The following GABRB2 variants were observed in gnomAD, a reference collection of about 807,000 sequenced individuals.
GABRB2 encodes gamma-aminobutyric acid receptor subunit beta-2.
Under a neutral mutation model 54.7 loss-of-function variants are expected in GABRB2, and 16 were observed. The ratio of observed to expected loss-of-function variants is 0.29; its 90% CI spans 0.20 to 0.44. GABRB2 has a LOEUF of 0.44. Ranked by LOEUF, GABRB2 falls within the 20% of genes least tolerant of loss-of-function variation. GABRB2 has a pLI of 1.00. For synonymous variants in GABRB2, 244 were observed against 233.8 expected (o/e 1.04, Z -0.40); for missense variants, 355 against 644.0 (o/e 0.55, Z 4.86).
intron 3 of GABRB2, among the ~76,000 whole-genome samples, chr5:161,511,380 G>A (rs1473005567): frequency 1.3e-5 from 2 of 151,802 alleles, no homozygotes; most frequent in African/African-American, 4.8e-5. Flanking sequence ...CACAAACTTG[G>A]GTAATCACTG....
At chr5:161,309,043 CAAACAAA>C (rs1413435896) in intron 9 of GABRB2, among the ~76,000 whole-genome samples, 1 of 152,012 alleles carries the variant, frequency 6.6e-6, no homozygotes, top group Admixed American at 6.6e-5. Flanking sequence ...TCCTGCACGG[CAAACAAA>C]ACTATCAACA....
At chr5:161,524,733 T>C (rs1017882645) in intron 3 of GABRB2, among the ~76,000 whole-genome samples, 3 of 151,464 alleles carry the variant, frequency 2.0e-5, no homozygotes, top group Non-Finnish European at 4.4e-5. Context: ...CTCAGACTCA[T>C]TAATATGAGG....
intron 9 of GABRB2, among the ~76,000 whole-genome samples, chr5:161,306,299 T>C (rs1184139990): frequency 6.6e-6 from 1 of 152,238 alleles, no homozygotes. Context: ...TTTGAATCCT[T>C]CTAAAAATCT....
chr5:161,522,212 A>G (rs1760136777), intron 3 of GABRB2, among the ~76,000 whole-genome samples: 1 of 151,798 alleles, frequency 6.6e-6, no homozygotes, highest in African/African-American at 2.4e-5. Context: ...CACACATTTG[A>G]GATTAGACAC....
intron 5 of GABRB2, among the ~76,000 whole-genome samples, chr5:161,367,931 C>G (rs1184335830): frequency 1.3e-5 from 2 of 152,100 alleles, no homozygotes; most frequent in East Asian, 3.9e-4. Context: ...AATAAAACTT[C>G]CCAAGTCCAT....
intron 4 of GABRB2, among the ~76,000 whole-genome samples, chr5:161,446,491 A>T (rs1483627622): frequency 6.6e-6 from 1 of 152,080 alleles, no homozygotes; most frequent in Non-Finnish European, 1.5e-5. Context: ...TGCCACTTCC[A>T]ACTGCATGCA....
At chr5:161,463,831 C>T (rs1259071205) in intron 3 of GABRB2, among the ~76,000 whole-genome samples, 3 of 151,108 alleles carry the variant, frequency 2.0e-5, no homozygotes, top group African/African-American at 7.3e-5. Context: ...CTGGAGAAAG[C>T]ATAATCTTAT....
At chr5:161,328,976 A>G (rs1045186525) in intron 8 of GABRB2, among the ~76,000 whole-genome samples, 2 of 152,178 alleles carry the variant, frequency 1.3e-5, no homozygotes, top group African/African-American at 4.8e-5. Context: ...TCTACCTTCA[A>G]CCAAGAGGAT....
chr5:161,413,914 G>A (rs1756591030), intron 4 of GABRB2, among the ~76,000 whole-genome samples: 1 of 152,148 alleles, frequency 6.6e-6, no homozygotes, highest in South Asian at 2.1e-4. Flanking sequence ...CATGTTCACG[G>A]CAACTAGCAT....
At chr5:161,433,711 C>G (rs1757235684) in intron 4 of GABRB2, among the ~76,000 whole-genome samples, 2 of 151,968 alleles carry the variant, frequency 1.3e-5, no homozygotes, top group Admixed American at 6.6e-5. Context: ...GATTACTTAC[C>G]AAATAAACAT....
chr5:161,385,967 TGTG>T (rs1755618717), intron 5 of GABRB2, among the ~76,000 whole-genome samples: 1 of 150,618 alleles, frequency 6.6e-6, no homozygotes, highest in African/African-American at 2.5e-5. Context: ...TGTGTGTGTG[TGTG>T]TGTGTGTGTG....
At chr5:161,454,871 A>C (rs895097904) in intron 4 of GABRB2, among the ~76,000 whole-genome samples, 2 of 152,212 alleles carry the variant, frequency 1.3e-5, no homozygotes, top group African/African-American at 4.8e-5. Context: ...AATTGGTTGG[A>C]ATCTATCTGC....
At chr5:161,466,885 T>C (rs957161658) in intron 3 of GABRB2, among the ~76,000 whole-genome samples, 27 of 152,230 alleles carry the variant, frequency 1.8e-4, no homozygotes, top group Middle Eastern at 3.4e-3. Context: ...TTTTAAAGCA[T>C]GGCTATGTAT....
intron 5 of GABRB2, among the ~76,000 whole-genome samples, chr5:161,349,293 A>G (rs1033530923): frequency 6.6e-6 from 1 of 152,124 alleles, no homozygotes; most frequent in Non-Finnish European, 1.5e-5. Flanking sequence ...TATGAGAGAT[A>G]TTAAATGATT....
intron 3 of GABRB2, among the ~76,000 whole-genome samples, chr5:161,517,421 A>G (rs1374751883): frequency 6.6e-6 from 1 of 152,300 alleles, no homozygotes; most frequent in East Asian, 1.9e-4. Context: ...CTTTCATCTC[A>G]GTTTATAAGT....
At chr5:161,547,554 C>A (rs1761026105), upstream of GABRB2, among the ~76,000 whole-genome samples, 1 of 150,774 alleles carries the variant, frequency 6.6e-6, no homozygotes, top group South Asian at 2.1e-4. Context: ...CCCGCTAGTC[C>A]GGGTTATTTA....
chr5:161,369,967 C>T (rs990350460), intron 5 of GABRB2, among the ~76,000 whole-genome samples: 9 of 152,064 alleles, frequency 5.9e-5, no homozygotes, highest in Non-Finnish European at 1.2e-4. Flanking sequence ...CCAGGCTCCT[C>T]CTTTCAACCT....
chr5:161,300,421 G>A (rs1757503874), intron 9 of GABRB2, among the ~76,000 whole-genome samples: 1 of 152,100 alleles, frequency 6.6e-6, no homozygotes, highest in Non-Finnish European at 1.5e-5. Context: ...CCATTTGACA[G>A]GGCAGGAAAC....
At chr5:161,359,214 T>C (rs1283913082) in intron 5 of GABRB2, among the ~76,000 whole-genome samples, 1 of 152,154 alleles carries the variant, frequency 6.6e-6, no homozygotes, top group African/African-American at 2.4e-5. Context: ...TAAAATGTAC[T>C]AGAAAAAAAT....
Sources: allele counts gnomAD v4.1 joint callset (sites outside exome capture counted in the v4.1 genomes callset), GRCh38; gene constraint gnomAD v4.1.1; transcripts MANE v1.5; gene names NCBI Gene and HGNC (gene_info 2026-07-23, HGNC 2026-07-21).